The following PEX7 variants were observed in gnomAD, a reference collection of about 807,000 sequenced individuals.
PEX7 encodes the protein peroxisomal biogenesis factor 7, also known as PTS2 receptor.
Under a neutral mutation model 47.5 loss-of-function variants are expected in PEX7, and 34 were observed. That is an observed-to-expected ratio of 0.72 (90% CI 0.54 to 0.95). PEX7 has a LOEUF of 0.95. Among genes scored for constraint, PEX7 ranks in the 40% least tolerant of loss-of-function variants. The pLI is 0.00. For synonymous variants in PEX7, 141 were observed against 148.8 expected (o/e 0.95, Z 0.38); for missense variants, 394 against 400.3 (o/e 0.98, Z 0.13).
At chr6:136,866,778 TA>T in intron 6 of PEX7, 45 bp downstream of exon 6, 1 of 1,490,906 alleles carries the variant, frequency 6.7e-7, no homozygotes. Flanking sequence ...TTCCTAATGT[TA>T]AAATGTTCTG....
chr6:136,837,178 G>A (rs1309418350), intron 3 of PEX7, among the ~76,000 whole-genome samples: 1 of 151,590 alleles, frequency 6.6e-6, no homozygotes, highest in African/African-American at 2.4e-5. Context: ...GGCTAACACG[G>A]TGAAACCCTG....
chr6:136,845,560 T>C, intron 3 of PEX7, 55 bp from the exon 4 acceptor site: 2 of 958,182 alleles, frequency 2.1e-6, no homozygotes, highest in Non-Finnish European at 1.7e-6. Context: ...AGAGATAAAA[T>C]GCAATGTTGA....
intron 9 of PEX7, chr6:136,901,533 A>G (rs7757102): frequency 0.56 from 85,806 of 152,106 alleles, 24,351 homozygotes; most frequent in African/African-American, 0.58. Context: ...GTCTCTAGGT[A>G]TGCCCAGGTC....
At position 136,870,010 on chromosome 6, in the gene PEX7, T is replaced by C. The variant is rs2115224691; in HGVS notation, c.747+7T>C. The C allele has an allele frequency of 6.7e-7, 1 of 1,499,730 alleles. No homozygotes were observed. The highest frequency in any genetic ancestry group is 9.3e-7 in the Non-Finnish European group (1 of 1,077,184). 92.9% of individuals were successfully genotyped at this position (1,499,730 alleles called of 1,614,324 possible). Reference sequence around the variant, plus strand: ...TGCTATTAGGAGGGTGAAAGTAAGTTTTCATCTTTTCTTTTATATGTAGAA... The same window carrying C: ...TGCTATTAGGAGGGTGAAAGTAAGTCTTCATCTTTTCTTTTATATGTAGAA... On this transcript the variant is annotated splice_region_variant and intron_variant, in intron 7 of 9. Coordinates refer to ENST00000318471, the MANE Select transcript of PEX7 (RefSeq NM_000288.4).
At chr6:136,828,958 A>T (rs1774245970) in intron 3 of PEX7, among the ~76,000 whole-genome samples, 1 of 152,304 alleles carries the variant, frequency 6.6e-6, no homozygotes, top group South Asian at 2.1e-4. Flanking sequence ...AATTTTTTAA[A>T]TTTGTTTTGC....
chr6:136,841,573 A>G (rs1774498889), intron 3 of PEX7, among the ~76,000 whole-genome samples: 1 of 152,006 alleles, frequency 6.6e-6, no homozygotes, highest in Non-Finnish European at 1.5e-5. Flanking sequence ...ACTTATGTTT[A>G]TAGTTTGTTT....
intron 3 of PEX7, among the ~76,000 whole-genome samples, chr6:136,829,024 A>AGT (rs1372461737): frequency 1.3e-5 from 2 of 152,172 alleles, no homozygotes; most frequent in Non-Finnish European, 2.9e-5. Context: ...CTTTTTGGTA[A>AGT]GCGTTTGTAT....
At chr6:136,886,816 G>A (rs892546117) in intron 8 of PEX7, among the ~76,000 whole-genome samples, 1 of 152,210 alleles carries the variant, frequency 6.6e-6, no homozygotes, top group East Asian at 1.9e-4. Context: ...ACTTTGGGAG[G>A]CCAAGGCGGG....
chr6:136,895,162 T>C (rs894372908), intron 8 of PEX7, among the ~76,000 whole-genome samples: 1 of 152,124 alleles, frequency 6.6e-6, no homozygotes, highest in African/African-American at 2.4e-5. Flanking sequence ...TCAATAGAGA[T>C]ACATAGAAAA....
At chr6:136,824,463 A>G (rs1774152133) in intron 1 of PEX7, among the ~76,000 whole-genome samples, 1 of 152,162 alleles carries the variant, frequency 6.6e-6, no homozygotes, top group Non-Finnish European at 1.5e-5. Flanking sequence ...TTGGCCTCCC[A>G]AAGTGCTGGG....
At chr6:136,878,543 G>A (rs1775319229) in intron 8 of PEX7, among the ~76,000 whole-genome samples, 1 of 151,994 alleles carries the variant, frequency 6.6e-6, no homozygotes, top group South Asian at 2.1e-4. Flanking sequence ...AAAGCCTTTT[G>A]TGCATCAAAA....
intron 8 of PEX7, among the ~76,000 whole-genome samples, chr6:136,881,415 G>C (rs1027903115): frequency 9.9e-5 from 15 of 152,116 alleles, no homozygotes; most frequent in African/African-American, 3.6e-4. Context: ...CTTGGAATTC[G>C]AACACCTTTC....
At chr6:136,870,522 G>T (rs1775157581) in intron 7 of PEX7, among the ~76,000 whole-genome samples, 2 of 152,234 alleles carry the variant, frequency 1.3e-5, no homozygotes, top group South Asian at 4.1e-4. Context: ...TGGGTTATAA[G>T]ATGACTTAGG....
intron 5 of PEX7, among the ~76,000 whole-genome samples, chr6:136,853,604 C>T (rs1415530840): frequency 6.6e-6 from 1 of 151,908 alleles, no homozygotes; most frequent in Non-Finnish European, 1.5e-5. Context: ...ATGACCAAAC[C>T]ATCCTAAATT....
intron 3 of PEX7, among the ~76,000 whole-genome samples, chr6:136,838,908 A>G (rs903297581): frequency 1.3e-5 from 2 of 152,164 alleles, no homozygotes; most frequent in Non-Finnish European, 2.9e-5. Flanking sequence ...AGGGCTGGGT[A>G]TGGTGGCTCA....
intron 2 of PEX7, among the ~76,000 whole-genome samples, chr6:136,825,535 G>T (rs944117949): frequency 2.0e-5 from 3 of 151,724 alleles, no homozygotes; most frequent in Admixed American, 6.6e-5. Flanking sequence ...GTCTCTAAAA[G>T]AAATTTTTTT....
intron 8 of PEX7, among the ~76,000 whole-genome samples, chr6:136,881,696 G>A (rs957859052): frequency 6.6e-6 from 1 of 152,182 alleles, no homozygotes; most frequent in Non-Finnish European, 1.5e-5. Context: ...AGGAATGTTT[G>A]TTAAGACTGG....
chr6:136,833,442 A>G (rs886641716), intron 3 of PEX7, among the ~76,000 whole-genome samples: 1 of 152,258 alleles, frequency 6.6e-6, no homozygotes, highest in African/African-American at 2.4e-5. Context: ...TCCTGCATTT[A>G]AAACTAGTGT....
At chr6:136,895,664 C>T (rs928163116) in intron 8 of PEX7, among the ~76,000 whole-genome samples, 1 of 152,040 alleles carries the variant, frequency 6.6e-6, no homozygotes, top group Non-Finnish European at 1.5e-5. Flanking sequence ...AAATGTTGGT[C>T]TAGAAACCAG....
Sources: gnomAD v4.1 joint callset for allele counts (sites outside exome capture counted in the v4.1 genomes callset) on GRCh38, gnomAD v4.1.1 for gene constraint, MANE v1.5 for transcripts, NCBI Gene and HGNC (gene_info 2026-07-23, HGNC 2026-07-21) for gene names.